Variants in RIN2 observed in about 807,000 individuals in gnomAD.
RIN2 encodes RAB5 interacting protein 2.
Under a neutral mutation model 78.0 loss-of-function variants are expected in RIN2, and 36 were observed. The ratio of observed to expected loss-of-function variants is 0.46; its 90% confidence interval spans 0.35 to 0.61. The LOEUF (loss-of-function observed/expected upper bound fraction) is 0.61. Among genes scored for constraint, RIN2 ranks in the 20% least tolerant of loss-of-function variants. The pLI is 0.00. For missense variants in RIN2, 1,087 were observed against 1,159.7 expected (o/e 0.94, Z 0.91); for synonymous variants, 466 against 466.8 (o/e 1.00, Z 0.02).
At chr20:19,832,449 A>G (rs1340273811) in intron 2 of RIN2, among the ~76,000 whole-genome samples, 4 of 150,622 alleles carry the variant, frequency 2.7e-5, no homozygotes, top group Admixed American at 6.6e-5. Context: ...TGGAAATAGT[A>G]AAAAAGACTC....
intron 2 of RIN2, among the ~76,000 whole-genome samples, chr20:19,848,027 T>C (rs760151351): frequency 5.3e-5 from 8 of 152,146 alleles, no homozygotes; most frequent in Non-Finnish European, 1.2e-4. Context: ...CTTTATTTGC[T>C]AAAATAGGCA....
chr20:19,981,179 C>A (rs1041335624), intron 9 of RIN2, among the ~76,000 whole-genome samples: 1 of 152,172 alleles, frequency 6.6e-6, no homozygotes, highest in East Asian at 1.9e-4. Context: ...GATGCAAGCG[C>A]GACTGACACG....
Position 19,956,519 on chromosome 20 carries a change from C to T in RIN2, c.159-96C>T, listed in dbSNP as rs565776963. 33 of 1,096,108 alleles carry T rather than the reference C, an allele frequency of 3.0e-5. No homozygotes were observed. In the East Asian group the frequency reaches 3.3e-4, roughly 11 times the overall value. The allele number at this position is 1,096,108 out of a possible 1,614,324, so 67.9% of individuals were successfully genotyped here. A position where few individuals can be genotyped will look rare whatever the true frequency, so the allele number is the denominator to read the frequency against. ...GGGCGATCACAAGATGGGGTATGTG[C>T]GGTGGCAAGCCTGGCCTATGAACTT... On this transcript the variant is annotated intron_variant, in intron 4 of 12. Transcript: ENST00000255006.
intron 1 of RIN2, among the ~76,000 whole-genome samples, chr20:19,781,719 C>T (rs999346495): frequency 5.3e-5 from 8 of 151,950 alleles, no homozygotes; most frequent in Admixed American, 1.3e-4. Context: ...TGAGCCACAG[C>T]GCAAGGCCTA....
At chr20:19,911,308 C>A (rs2039455586) in intron 3 of RIN2, among the ~76,000 whole-genome samples, 1 of 152,196 alleles carries the variant, frequency 6.6e-6, no homozygotes. Context: ...GCGCCTTGGC[C>A]TCCCAAAGTG....
At chr20:19,767,354 G>T (rs559790344) in intron 1 of RIN2, among the ~76,000 whole-genome samples, 26 of 152,302 alleles carry the variant, frequency 1.7e-4, no homozygotes, top group African/African-American at 6.3e-4. Flanking sequence ...AGTCACAGTA[G>T]GTCAGACAGT....
At chr20:19,883,298 T>C (rs1397525387) in intron 2 of RIN2, among the ~76,000 whole-genome samples, 1 of 150,258 alleles carries the variant, frequency 6.7e-6, no homozygotes, top group African/African-American at 2.4e-5. Context: ...GGGCATTGGA[T>C]AGGAGGTGAG....
intron 1 of RIN2, among the ~76,000 whole-genome samples, chr20:19,782,649 A>T (rs2034548305): frequency 1.3e-5 from 2 of 152,186 alleles, no homozygotes; most frequent in African/African-American, 4.8e-5. Context: ...TGTCCCCAAG[A>T]ATTGGAAAAA....
rs374388652 is a variant in RIN2 at position 19,935,067 on chromosome 20, C to G, written c.58-32C>G. The G allele has an allele frequency of 2.5e-5, 39 of 1,541,976 alleles. 1 individual carries two copies. In the South Asian group the frequency reaches 4.2e-4, roughly 16 times the overall value. On this transcript the variant is annotated intron_variant, in intron 3 of 12. Coordinates refer to ENST00000255006, the MANE Select transcript of RIN2 (RefSeq NM_018993.4). Reference sequence around the variant, plus strand: ...GTGGGCATGCCACGCCTCTCCACTTCCTGACGTCATACTATTTTTGTCTTT... The same window carrying G: ...GTGGGCATGCCACGCCTCTCCACTTGCTGACGTCATACTATTTTTGTCTTT...
chr20:19,826,456 A>G (rs1480494412), intron 2 of RIN2, among the ~76,000 whole-genome samples: 1 of 152,196 alleles, frequency 6.6e-6, no homozygotes, highest in Non-Finnish European at 1.5e-5. Flanking sequence ...TTTCATAGTC[A>G]TGGAGCCATA....
intron 3 of RIN2, among the ~76,000 whole-genome samples, chr20:19,927,814 C>T (rs991145655): frequency 6.6e-6 from 1 of 152,124 alleles, no homozygotes; most frequent in African/African-American, 2.4e-5. Context: ...ACTCCCACAG[C>T]ACTGGGATTA....
intron 2 of RIN2, among the ~76,000 whole-genome samples, chr20:19,849,089 A>G (rs2036876496): frequency 6.6e-6 from 1 of 152,162 alleles, no homozygotes; most frequent in Admixed American, 6.5e-5. Flanking sequence ...GGGGAGTAGT[A>G]AGGGGATAGA....
Position 19,975,234 on chromosome 20 carries a change from C to T in RIN2, c.1209C>T (p.Ala403=), listed in dbSNP as rs764894078. The change falls in exon 9 of 13, where the codon GCC becomes GCT. Residue 403 remains alanine, a synonymous_variant. Transcript: ENST00000255006. This position sits in a 1 kb window ranked among gnomAD's most constrained non-coding sequence, Gnocchi z 4.9. Reference sequence around the variant, plus strand: ...GCCCAGGTGGGGCCCCGCCTGAGGCCGCCCCGGGGGATTGCACAAGGGCCC... The same window carrying T: ...GCCCAGGTGGGGCCCCGCCTGAGGCTGCCCCGGGGGATTGCACAAGGGCCC... ...AGSPGGAPPE[A]APGDCTRAPP... The T allele has an allele frequency of 1.3e-5, 21 of 1,582,932 alleles. No individual in the cohort carries two copies. Among genetic ancestry groups the T allele is most frequent in the East Asian group, 4.6e-5 (2 of 43,260 alleles).
At chr20:19,966,906 G>GACACACACACAC (rs10653532) in intron 7 of RIN2, among the ~76,000 whole-genome samples, 10 of 150,318 alleles carry the variant, frequency 6.7e-5, no homozygotes, top group African/African-American at 1.7e-4. Context: ...GCCCCCAACA[G>GACACACACACAC]ACACACACAC....
At chr20:19,924,484 A>C (rs1334686544) in intron 3 of RIN2, among the ~76,000 whole-genome samples, 1 of 108,168 alleles carries the variant, frequency 9.2e-6, no homozygotes. Context: ...CCCCACCTTC[A>C]TACCCCACCT....
chr20:19,775,671 A>G (rs1443018944), intron 1 of RIN2, among the ~76,000 whole-genome samples: 1 of 152,268 alleles, frequency 6.6e-6, no homozygotes, highest in Non-Finnish European at 1.5e-5. Context: ...GGCTTAGAGA[A>G]CACAAGCATT....
At chr20:19,763,342 C>T (rs1568729824) in intron 1 of RIN2, among the ~76,000 whole-genome samples, 1 of 152,094 alleles carries the variant, frequency 6.6e-6, no homozygotes, top group Non-Finnish European at 1.5e-5. Flanking sequence ...GAGCCAGGAT[C>T]ACTCCATTGC....
At chr20:19,763,387 CTAAATAAA>C (rs146419222) in intron 1 of RIN2, among the ~76,000 whole-genome samples, 5 of 151,280 alleles carry the variant, frequency 3.3e-5, no homozygotes, top group Non-Finnish European at 7.4e-5. Context: ...GACTCTGTCT[CTAAATAAA>C]TAAATAAATA....
At chr20:19,936,719 C>T (rs527372683) in intron 4 of RIN2, among the ~76,000 whole-genome samples, 1 of 152,306 alleles carries the variant, frequency 6.6e-6, no homozygotes, top group Admixed American at 6.5e-5. Context: ...GTTGCTTAAT[C>T]TTTAACATTT....
Sources: gnomAD v4.1 joint callset for allele counts (sites outside exome capture counted in the v4.1 genomes callset) on GRCh38, gnomAD v4.1.1 for gene constraint, Gnocchi (gnomAD v3.1) non-coding constraint, MANE v1.5 for transcripts, NCBI Gene and HGNC (gene_info 2026-07-23, HGNC 2026-07-21) for gene names.